MYO3B: variants seen among roughly 807,000 people sequenced by gnomAD.
MYO3B encodes myosin-IIIb.
MYO3B carries 156 observed loss-of-function variants against 174.6 expected under a neutral mutation model. The observed-to-expected ratio is 0.89, with a 90% CI of 0.78 to 1.02. The LOEUF (loss-of-function observed/expected upper bound fraction) is 1.02, where lower values mean the gene tolerates loss of function less well. Among genes scored for constraint, MYO3B ranks in the 50% least tolerant of loss-of-function variants. MYO3B has a pLI of 0.00. For synonymous variants in MYO3B, 563 were observed against 569.1 expected, an observed-to-expected ratio of 0.99 and a Z score of 0.15; for missense variants, 1,632 against 1,639.4, an observed-to-expected ratio of 1.00 and a Z score of 0.08.
At chr2:170,243,872 CATCT>C (rs1333604042) in intron 7 of MYO3B, among the ~76,000 whole-genome samples, 1 of 152,166 alleles carries the variant, frequency 6.6e-6, no homozygotes, top group Non-Finnish European at 1.5e-5. Flanking sequence ...ACTTACATTG[CATCT>C]ATGTGAAGGA....
chr2:170,223,723 C>G (rs1403248256), intron 6 of MYO3B, among the ~76,000 whole-genome samples: 1 of 152,032 alleles, frequency 6.6e-6, no homozygotes, highest in Non-Finnish European at 1.5e-5. Flanking sequence ...GTAGTTGATA[C>G]CTAAAAAACT....
chr2:170,590,298 G>C (rs1693743057), intron 32 of MYO3B, among the ~76,000 whole-genome samples: 1 of 152,002 alleles, frequency 6.6e-6, no homozygotes, highest in Admixed American at 6.6e-5. Context: ...TTAAATGAGG[G>C]GTTTCTTTCT....
chr2:170,508,467 G>T (rs1687761662), intron 28 of MYO3B, among the ~76,000 whole-genome samples: 1 of 152,192 alleles, frequency 6.6e-6, no homozygotes. Flanking sequence ...TGGCAAGAAT[G>T]ATCATGCTAT....
intron 19 of MYO3B, among the ~76,000 whole-genome samples, chr2:170,404,032 G>A (rs1417654483): frequency 6.6e-6 from 1 of 152,130 alleles, no homozygotes; most frequent in Non-Finnish European, 1.5e-5. Flanking sequence ...ATGTTTTACT[G>A]GTTTAGCTGC....
At position 170,527,183 on chromosome 2, in the gene MYO3B, T is replaced by A. The variant is rs188461327; in HGVS notation, c.3575+7643T>A. On this transcript the variant is annotated intron_variant, in intron 30 of 34. Coordinates refer to ENST00000408978, the MANE Select transcript of MYO3B (RefSeq NM_138995.5). ...GTGGGCCATAGCCAGAGGCAGGATA[T>A]GCAGAGCCATTCTTGGAAGGTGAGA... Among the ~76,000 whole-genome samples, 4 of 152,254 alleles carry A rather than the reference T, an allele frequency of 2.6e-5. No individual in the cohort carries two copies. In the East Asian group the frequency reaches 7.7e-4, roughly 29 times the overall value.
chr2:170,199,646 A>G (rs1288414035), intron 2 of MYO3B, among the ~76,000 whole-genome samples: 2 of 152,210 alleles, frequency 1.3e-5, no homozygotes, highest in Non-Finnish European at 2.9e-5. Flanking sequence ...TCTCTTGGAA[A>G]GAGTAATATA....
intron 22 of MYO3B, among the ~76,000 whole-genome samples, chr2:170,434,756 A>G (rs983782615): frequency 6.6e-6 from 1 of 152,228 alleles, no homozygotes; most frequent in Non-Finnish European, 1.5e-5. Flanking sequence ...ACTCATATCT[A>G]ACAAACAGAT....
Position 170,204,575 on chromosome 2 carries a change from C to A in MYO3B, c.321+4291C>A, listed in dbSNP as rs148370914. ...CTGTGATTGAATCAATATTCAATGA[C>A]GTTTTGGAAAATAGATGTGGAATGT... On this transcript the variant is annotated intron_variant, in intron 3 of 34. Coordinates refer to ENST00000408978, the MANE Select transcript of MYO3B (RefSeq NM_138995.5). Among the ~76,000 whole-genome samples the A allele has an allele frequency of 3.9e-5, 6 of 152,218 alleles. No individual in the cohort carries two copies. In the South Asian group the frequency reaches 1.2e-3, roughly 32 times the overall value.
intron 32 of MYO3B, among the ~76,000 whole-genome samples, chr2:170,551,229 A>G (rs577369399): frequency 1.3e-5 from 2 of 152,186 alleles, no homozygotes; most frequent in African/African-American, 4.8e-5. Context: ...GGTTATTTCC[A>G]GATTATAAAC....
intron 3 of MYO3B, among the ~76,000 whole-genome samples, chr2:170,200,502 A>C (rs1301171887): frequency 6.6e-6 from 1 of 152,194 alleles, no homozygotes; most frequent in East Asian, 1.9e-4. Context: ...AGGTTTAATA[A>C]TCTTTTATTC....
intron 30 of MYO3B, among the ~76,000 whole-genome samples, chr2:170,534,774 T>C (rs1164505026): frequency 2.6e-5 from 4 of 152,188 alleles, no homozygotes; most frequent in Non-Finnish European, 4.4e-5. Flanking sequence ...CAACTCTAGT[T>C]CAAGTGTTTT....
chr2:170,506,134 AT>A (rs1364667185), intron 28 of MYO3B, among the ~76,000 whole-genome samples: 1 of 152,232 alleles, frequency 6.6e-6, no homozygotes, highest in African/African-American at 2.4e-5. Context: ...GTGAACAGGC[AT>A]TTTAAGCCAC....
intron 3 of MYO3B, among the ~76,000 whole-genome samples, chr2:170,200,492 A>G (rs1219938541): frequency 6.6e-6 from 1 of 152,196 alleles, no homozygotes; most frequent in Non-Finnish European, 1.5e-5. Flanking sequence ...TCTGCTTCAG[A>G]GGTTTAATAA....
chr2:170,516,833 T>G (rs1481222238), intron 29 of MYO3B, among the ~76,000 whole-genome samples: 1 of 152,180 alleles, frequency 6.6e-6, no homozygotes, highest in Non-Finnish European at 1.5e-5. Context: ...TTCCCCAAGT[T>G]CGGCATTTTA....
intron 9 of MYO3B, among the ~76,000 whole-genome samples, chr2:170,376,710 G>A (rs564782263): frequency 1.5e-4 from 23 of 152,134 alleles, no homozygotes; most frequent in African/African-American, 2.9e-4. Context: ...ACTCTTGGAC[G>A]GAGGAGAGGG....
intron 7 of MYO3B, among the ~76,000 whole-genome samples, chr2:170,326,868 T>A (rs536474788): frequency 2.6e-5 from 4 of 152,314 alleles, no homozygotes; most frequent in African/African-American, 9.6e-5. Flanking sequence ...ATGGGAAACA[T>A]GTAATCTTCA....
intron 32 of MYO3B, among the ~76,000 whole-genome samples, chr2:170,640,099 GT>G (rs1012523491): frequency 6.6e-6 from 1 of 152,178 alleles, no homozygotes; most frequent in African/African-American, 2.4e-5. Flanking sequence ...TAAGTCCATG[GT>G]TTTTCCAACA....
intron 32 of MYO3B, among the ~76,000 whole-genome samples, chr2:170,648,439 G>A (rs1698545415): frequency 6.6e-6 from 1 of 151,722 alleles, no homozygotes; most frequent in South Asian, 2.1e-4. Flanking sequence ...AGACCAGGCT[G>A]GGCAACATGA....
chr2:170,479,838 C>T (rs981251036), intron 25 of MYO3B, among the ~76,000 whole-genome samples: 16 of 147,580 alleles, frequency 1.1e-4, no homozygotes, highest in Admixed American at 5.4e-4. Context: ...TTAATATATA[C>T]GTATATATGC....
Sources: gnomAD v4.1 joint callset for allele counts (sites outside exome capture counted in the v4.1 genomes callset) on GRCh38, gnomAD v4.1.1 for gene constraint, MANE v1.5 for transcripts, NCBI Gene and HGNC (gene_info 2026-07-23, HGNC 2026-07-21) for gene names.